ATP1A1: variants seen among roughly 807,000 people sequenced by gnomAD.
The protein encoded by ATP1A1 is ATPase Na+/K+ transporting subunit alpha 1.
In ATP1A1, 14 loss-of-function variants were observed where a neutral mutation model predicts 114.8. The observed-to-expected ratio is 0.12, with a 90% CI of 0.08 to 0.19. The LOEUF (loss-of-function observed/expected upper bound fraction) is 0.19. ATP1A1 is among the 10% of genes least tolerant of loss of function. The probability of loss-of-function intolerance (pLI) is 1.00; values close to 1 mark genes in which losing one functional copy is unlikely to be tolerated. For missense variants in ATP1A1, 524 were observed against 1,290.7 expected (o/e 0.41, Z 9.10); for synonymous variants, 471 against 466.3 (o/e 1.01, Z -0.13).
chr1:116,398,468 A>C lies in ATP1A1; in HGVS notation c.2125-153A>C, dbSNP rs1653120986. Among the ~76,000 whole-genome samples, 1 of 152,142 alleles carries C rather than the reference A, an allele frequency of 6.6e-6. No individual in the cohort carries two copies. ...GTTATTTGGTGTAGGGCCTGTGTGA[A>C]TACTTGCCTGTGACGGTTCTCAGGC... On this transcript the variant is annotated intron_variant, in intron 15 of 22. Transcript: ENST00000295598. The surrounding 1 kb of genome is among the most constrained non-coding windows in gnomAD (Gnocchi z 6.1).
rs1652271771 is a variant in ATP1A1 at position 116,388,964 on chromosome 1, T to C, written c.699T>C (p.Asn233=). 1.2e-6 allele frequency: 2 copies of C among 1,614,212 alleles called. No individual in the cohort carries two copies. Among genetic ancestry groups the C allele is most frequent in the Non-Finnish European group, 1.7e-6 (2 of 1,180,034 alleles). ...EPQTRSPDFT[N]ENPLETRNIA... is the part of the protein sequence containing the mutation. Reference sequence around the variant, plus strand: ...AGACTAGGTCTCCAGATTTCACAAATGAAAACCCCCTGGAGACGAGGAACA... The same window carrying C: ...AGACTAGGTCTCCAGATTTCACAAACGAAAACCCCCTGGAGACGAGGAACA... The change falls in exon 7 of 23, where the codon AAT becomes AAC. Residue 233 remains asparagine (N), a synonymous_variant. Transcript: ENST00000295598. The surrounding 1 kb of genome is among the most constrained non-coding windows in gnomAD (Gnocchi z 5.6).
At chr1:116,373,667 T>A in intron 1 of ATP1A1, 144 bp downstream of exon 1, 1 of 1,003,372 alleles carries the variant, frequency 1.0e-6, no homozygotes, top group Non-Finnish European at 1.3e-6. Context: ...CCGCGCGGCT[T>A]AAAAGACGAC....
chr1:116,400,717 G>C, intron 18 of ATP1A1, 144 bp from the exon 19 acceptor site: 1 of 1,002,080 alleles, frequency 1.0e-6, no homozygotes, highest in Non-Finnish European at 1.5e-6. Context: ...GAGTGACCAG[G>C]CAATTCTTTC....
Position 116,399,164 on chromosome 1 carries a change from T to C in ATP1A1, c.2448+80T>C. On this transcript the variant is annotated intron_variant, in intron 17 of 22. Transcript: ENST00000295598. This position sits in a 1 kb window ranked among gnomAD's most constrained non-coding sequence, Gnocchi z 5.0. Reference sequence around the variant, plus strand: ...ATTCACTGGCACTATGCTCCCAGCATCCATGAGGCTGGCGTTGGGAAAAGA... The same window carrying C: ...ATTCACTGGCACTATGCTCCCAGCACCCATGAGGCTGGCGTTGGGAAAAGA... 6 of 1,590,376 alleles carry C rather than the reference T, an allele frequency of 3.8e-6. No homozygotes were observed. The highest frequency in any genetic ancestry group is 5.2e-6 in the Non-Finnish European group (6 of 1,162,646).
intron 1 of ATP1A1, among the ~76,000 whole-genome samples, chr1:116,382,154 CAG>C (rs893011158): frequency 3.3e-5 from 5 of 152,152 alleles, no homozygotes; most frequent in Admixed American, 6.5e-5. Flanking sequence ...GCCTGGGCGA[CAG>C]AGTGAGACTC....
At chr1:116,378,792 G>T (rs1651540453) in intron 1 of ATP1A1, among the ~76,000 whole-genome samples, 1 of 152,152 alleles carries the variant, frequency 6.6e-6, no homozygotes, top group Admixed American at 6.5e-5. Context: ...AGTTGATCTG[G>T]TCCTCTCATA....
intron 1 of ATP1A1, among the ~76,000 whole-genome samples, chr1:116,382,036 G>A (rs558930666): frequency 2.4e-4 from 36 of 152,232 alleles, no homozygotes; most frequent in African/African-American, 8.2e-4. Flanking sequence ...TTAGCCAGGC[G>A]TGGTGGCGAG....
rs760761078 is a variant in ATP1A1, at chr1:116,395,296, G to A, written c.1836+11G>A. The A allele has an allele frequency of 3.7e-6, 6 of 1,613,188 alleles. No individual in the cohort carries two copies. Among genetic ancestry groups the A allele is most frequent in the Non-Finnish European group, 5.1e-6 (6 of 1,179,626 alleles). On this transcript the variant is annotated intron_variant, in intron 13 of 22. Transcript: ENST00000295598. This position sits in a 1 kb window ranked among gnomAD's most constrained non-coding sequence, Gnocchi z 6.4. Reference sequence around the variant, plus strand: ...AGTGCTGGAATTAAGGTAGTGCCCAGGCGCCTCCTTGGCTTCATCTCTTAG... The same window carrying A: ...AGTGCTGGAATTAAGGTAGTGCCCAAGCGCCTCCTTGGCTTCATCTCTTAG...
In ATP1A1 at chr1:116,393,132, C is replaced by A; in HGVS notation, c.1467+144C>A. 8.3e-7 allele frequency: 1 copy of A among 1,198,860 alleles called. No homozygotes were observed. The highest frequency in any genetic ancestry group is 1.1e-6 in the Non-Finnish European group (1 of 871,908). 74.3% of individuals were successfully genotyped at this position (1,198,860 alleles called of 1,614,324 possible). ...TTTTGCCCTTGATTACCATAGAATG[C>A]CATAATTTAGTTGAATATCAGCAGG... On this transcript the variant is annotated intron_variant, in intron 11 of 22. Transcript: ENST00000295598. The surrounding 1 kb of genome is among the most constrained non-coding windows in gnomAD (Gnocchi z 5.0).
At chr1:116,377,992 C>G (rs1208972001) in intron 1 of ATP1A1, among the ~76,000 whole-genome samples, 1 of 152,236 alleles carries the variant, frequency 6.6e-6, no homozygotes, top group African/African-American at 2.4e-5. Context: ...TCTGAACTTT[C>G]TCACGTTGCT....
At position 116,384,262 on chromosome 1, in the gene ATP1A1, G is replaced by C; in HGVS notation, c.123+138G>C. On this transcript the variant is annotated intron_variant, in intron 2 of 22. Coordinates refer to ENST00000295598, the MANE Select transcript of ATP1A1 (RefSeq NM_000701.8). The surrounding 1 kb of genome is among the most constrained non-coding windows in gnomAD (Gnocchi z 5.1). ...GCAGCTGTACAGATCTCATCTAGTCGTAGAGGTTAATGTTGAACATATACT... is the reference window on the plus strand; with the variant it reads ...GCAGCTGTACAGATCTCATCTAGTCCTAGAGGTTAATGTTGAACATATACT... 1.4e-6 allele frequency: 1 copy of C among 712,322 alleles called. No homozygotes were observed. The highest frequency in any genetic ancestry group is 2.3e-6 in the Non-Finnish European group (1 of 437,648). 44.1% of individuals were successfully genotyped at this position (712,322 alleles called of 1,614,324 possible).
At position 116,384,132 on chromosome 1, in the gene ATP1A1, C is replaced by T. The variant is rs1361925615; in HGVS notation, c.123+8C>T. On this transcript the variant is annotated splice_region_variant and intron_variant, in intron 2 of 22. Coordinates refer to ENST00000295598, the MANE Select transcript of ATP1A1 (RefSeq NM_000701.8). This position sits in a 1 kb window ranked among gnomAD's most constrained non-coding sequence, Gnocchi z 5.1. Reference sequence around the variant, plus strand: ...AAGAAAGAAGTTTCTATGGTAAGTACTAGGAGGAATATTGTATTCCATCCT... The same window carrying T: ...AAGAAAGAAGTTTCTATGGTAAGTATTAGGAGGAATATTGTATTCCATCCT... 1.2e-5 allele frequency: 19 copies of T among 1,603,812 alleles called. No individual in the cohort carries two copies. Among genetic ancestry groups the T allele is most frequent in the Non-Finnish European group, 1.5e-5 (17 of 1,170,870 alleles).
rs564786229 is a variant in ATP1A1, at chr1:116,387,325, G to A, written c.221G>A (p.Arg74Gln). 2.7e-5 allele frequency: 44 copies of A among 1,614,112 alleles called. No individual in the cohort carries two copies. Among genetic ancestry groups the A allele is most frequent in the Admixed American group, 3.3e-5 (2 of 60,016 alleles). ...TSARAAEILARDGPNALTPPP... is the reference protein window; with the variant it reads ...TSARAAEILAQDGPNALTPPP... The stretch of plus-strand genomic sequence containing the variant: ...GCTCGTGCAGCTGAGATCCTGGCGC[G>A]AGATGGTCCCAACGCCCTCACTCCC... Residue 74 changes from arginine to glutamine, a missense_variant, in exon 4 of 23, where the codon CGA becomes CAA. Physicochemically the swap from Arg to Gln is conservative, Grantham distance 43 (BLOSUM62 1). Coordinates refer to ENST00000295598, the MANE Select transcript of ATP1A1 (RefSeq NM_000701.8). The surrounding 1 kb of genome is among the most constrained non-coding windows in gnomAD (Gnocchi z 6.7).
Position 116,389,996 on chromosome 1 carries a change from A to G in ATP1A1, c.1024-217A>G. On this transcript the variant is annotated intron_variant, in intron 8 of 22. Coordinates refer to ENST00000295598, the MANE Select transcript of ATP1A1 (RefSeq NM_000701.8). The surrounding 1 kb of genome is among the most constrained non-coding windows in gnomAD (Gnocchi z 6.9). Reference sequence around the variant, plus strand: ...TTGGGATCAAGTAGGGGGATAGAATATGGTAGAATCCTGTTATTATTTTTC... The same window carrying G: ...TTGGGATCAAGTAGGGGGATAGAATGTGGTAGAATCCTGTTATTATTTTTC... The G allele has an allele frequency of 3.0e-6, 2 of 660,018 alleles. No individual in the cohort carries two copies. Among genetic ancestry groups the G allele is most frequent in the African/African-American group, 1.8e-5 (1 of 55,022 alleles). 40.9% of individuals were successfully genotyped at this position (660,018 alleles called of 1,614,324 possible).
Position 116,376,448 on chromosome 1 carries a change from C to T in ATP1A1, c.12+2925C>T, listed in dbSNP as rs772118410. 4.9e-4 allele frequency among the ~76,000 whole-genome samples: 75 copies of T among 152,160 alleles called. 1 individual carries two copies. The highest frequency in any genetic ancestry group is 6.3e-4 in the Non-Finnish European group (43 of 68,030). On this transcript the variant is annotated intron_variant, in intron 1 of 22. Transcript: ENST00000295598. ...GCAGATGCCTCAGAGTGGAAAGTTG[C>T]CCGGGCCTGGCCGGGAGCTAGTGGA... is the stretch of plus-strand genomic sequence containing the variant.
In ATP1A1 at chr1:116,389,310, C is replaced by A; in HGVS notation, c.755-129C>A. On this transcript the variant is annotated intron_variant, in intron 7 of 22. Coordinates refer to ENST00000295598, the MANE Select transcript of ATP1A1 (RefSeq NM_000701.8). This position sits in a 1 kb window ranked among gnomAD's most constrained non-coding sequence, Gnocchi z 6.9. ...CCAAACAGCATGTACAGCCAAAGAG[C>A]TGGCCCTTAAAAAGTGCTTTTATCA... The A allele has an allele frequency of 8.1e-7, 1 of 1,229,002 alleles. No individual in the cohort carries two copies. The highest frequency in any genetic ancestry group is 1.1e-6 in the Non-Finnish European group (1 of 876,546). The allele number at this position is 1,229,002 out of a possible 1,614,324, so 76.1% of individuals were successfully genotyped here.
In ATP1A1 at chr1:116,401,858, T is replaced by C. The variant is rs1273987808; in HGVS notation, c.2951+203T>C. The C allele has an allele frequency of 3.3e-6, 2 of 605,280 alleles. No homozygotes were observed. The highest frequency in any genetic ancestry group is 2.0e-5 in the South Asian group (1 of 49,796). The allele number at this position is 605,280 out of a possible 1,614,324, so 37.5% of individuals were successfully genotyped here. ...GGCTTCCATGATAGCAGCTAGTGTT[T>C]AGGATTTGGCCCAAGATAAGATAAA... On this transcript the variant is annotated intron_variant, in intron 21 of 22. Transcript: ENST00000295598. The surrounding 1 kb of genome is among the most constrained non-coding windows in gnomAD (Gnocchi z 4.7).
In ATP1A1 at chr1:116,395,027, G is replaced by A; in HGVS notation, c.1661-83G>A. The A allele has an allele frequency of 7.1e-7, 1 of 1,409,730 alleles. No homozygotes were observed. Among genetic ancestry groups the A allele is most frequent in the South Asian group, 1.4e-5 (1 of 71,142 alleles). 87.3% of individuals were successfully genotyped at this position (1,409,730 alleles called of 1,614,324 possible). ...TCCAAAGTAAACACTCCAGAGAAAG[G>A]TAGGCGGGCTGAATAGGCTGCTGTT... On this transcript the variant is annotated intron_variant, in intron 12 of 22. Transcript: ENST00000295598. This position sits in a 1 kb window ranked among gnomAD's most constrained non-coding sequence, Gnocchi z 6.4.
At position 116,400,852 on chromosome 1, in the gene ATP1A1, C is replaced by CCAA. The variant is rs762325966; in HGVS notation, c.2573-7_2573-5dup. 6.2e-7 allele frequency: 1 copy of CCAA among 1,613,874 alleles called. No individual in the cohort carries two copies. Among genetic ancestry groups the CCAA allele is most frequent in the South Asian group, 1.1e-5 (1 of 91,054 alleles). ...AGGTTCTAGTAATTGGGTTGTTTTC[C>CCAA]CAACTTAGGAATGATCCAGGCCCTG... On this transcript the variant is annotated splice_polypyrimidine_tract_variant and intron_variant, in intron 18 of 22. Coordinates refer to ENST00000295598, the MANE Select transcript of ATP1A1 (RefSeq NM_000701.8).
Sources: gnomAD v4.1 joint callset for allele counts (sites outside exome capture counted in the v4.1 genomes callset) on GRCh38, gnomAD v4.1.1 for gene constraint, Gnocchi (gnomAD v3.1) non-coding constraint, MANE v1.5 for transcripts, NCBI Gene and HGNC (gene_info 2026-07-23, HGNC 2026-07-21) for gene names.